CDC42BPA: variants seen among roughly 807,000 people sequenced by gnomAD.
The protein encoded by CDC42BPA is serine/threonine-protein kinase MRCK alpha.
A neutral mutation model predicts 223.5 loss-of-function variants in CDC42BPA; 80 were observed. That is an observed-to-expected ratio of 0.36 (90% CI 0.30 to 0.43). The LOEUF (loss-of-function observed/expected upper bound fraction) is 0.43, where lower values mean the gene tolerates loss of function less well. Ranked by LOEUF, CDC42BPA falls within the 20% of genes least tolerant of loss-of-function variation. CDC42BPA has a pLI of 1.00. For synonymous variants in CDC42BPA, 694 were observed against 718.6 expected (o/e 0.97, Z 0.55); for missense variants, 1,743 against 2,099.9 (o/e 0.83, Z 3.32).
chr1:227,139,169 T>C (rs1204824620), intron 10 of CDC42BPA, among the ~76,000 whole-genome samples: 1 of 152,170 alleles, frequency 6.6e-6, no homozygotes, highest in Non-Finnish European at 1.5e-5. Flanking sequence ...TTTATGTGTA[T>C]GTGCATTTTA....
intron 1 of CDC42BPA, among the ~76,000 whole-genome samples, chr1:227,257,541 G>A (rs1451378930): frequency 1.3e-5 from 2 of 150,808 alleles, no homozygotes; most frequent in African/African-American, 5.0e-5. Flanking sequence ...CCTGAGGTCA[G>A]GAGTTCAAGA....
chr1:227,146,683 T>C (rs1455280458), intron 7 of CDC42BPA, among the ~76,000 whole-genome samples: 3 of 152,168 alleles, frequency 2.0e-5, no homozygotes, highest in Non-Finnish European at 4.4e-5. Context: ...TTTGTTCTTG[T>C]TGTGTGTCTG....
intron 11 of CDC42BPA, among the ~76,000 whole-genome samples, chr1:227,127,405 G>T (rs958689535): frequency 6.6e-6 from 1 of 152,094 alleles, no homozygotes; most frequent in African/African-American, 2.4e-5. Flanking sequence ...CTATTTCAAG[G>T]CAGTTTTAAA....
intron 16 of CDC42BPA, among the ~76,000 whole-genome samples, chr1:227,085,124 A>G (rs1466740970): frequency 6.6e-6 from 1 of 152,052 alleles, no homozygotes; most frequent in Non-Finnish European, 1.5e-5. Flanking sequence ...TTGTCAGCCT[A>G]TATAATCACT....
At chr1:227,031,013 A>G (rs1669176255) in intron 28 of CDC42BPA, among the ~76,000 whole-genome samples, 1 of 152,132 alleles carries the variant, frequency 6.6e-6, no homozygotes, top group Admixed American at 6.5e-5. Flanking sequence ...TAAGAAACTA[A>G]CTTGTTCTAA....
intron 27 of CDC42BPA, 99 bp downstream of exon 27, chr1:227,033,235 T>C: frequency 1.4e-6 from 1 of 690,202 alleles, no homozygotes; most frequent in Non-Finnish European, 2.5e-6. Flanking sequence ...ATATAAGATT[T>C]GGTTTTACTT....
chr1:227,138,396 G>A (rs1212604671), intron 10 of CDC42BPA, among the ~76,000 whole-genome samples: 1 of 151,738 alleles, frequency 6.6e-6, no homozygotes, highest in Non-Finnish European at 1.5e-5. Flanking sequence ...TTCAATTAGA[G>A]ACTTGCTTCA....
intron 21 of CDC42BPA, among the ~76,000 whole-genome samples, chr1:227,058,274 T>C (rs1221290683): frequency 6.6e-6 from 1 of 152,206 alleles, no homozygotes; most frequent in Non-Finnish European, 1.5e-5. Context: ...ATATTATATA[T>C]GCTATATTAG....
At chr1:227,248,462 T>G (rs1271598076) in intron 2 of CDC42BPA, among the ~76,000 whole-genome samples, 1 of 152,008 alleles carries the variant, frequency 6.6e-6, no homozygotes, top group Non-Finnish European at 1.5e-5. Context: ...CATTTCTCTA[T>G]GCCAACAGTG....
At chr1:227,006,479 G>C (rs1424998004) in intron 34 of CDC42BPA, among the ~76,000 whole-genome samples, 1 of 152,180 alleles carries the variant, frequency 6.6e-6, no homozygotes, top group South Asian at 2.1e-4. Context: ...ATGAGGATAA[G>C]AACTGCCTCC....
In CDC42BPA at chr1:227,145,379, C is replaced by T. The variant is rs764176613; in HGVS notation, c.1143+110G>A. 4.5e-6 allele frequency: 4 copies of T among 895,160 alleles called. No homozygotes were observed. The South Asian group carries it at 7.5e-5, about 17-fold the overall frequency. 55.5% of individuals were successfully genotyped at this position (895,160 alleles called of 1,614,324 possible). ...AGAAGCCATGATCACTGACTAATAACTGATCATTGTAAAATCATCCTAGCA... is the reference window on the plus strand; with the variant it reads ...AGAAGCCATGATCACTGACTAATAATTGATCATTGTAAAATCATCCTAGCA... On this transcript the variant is annotated intron_variant, in intron 8 of 36. Transcript: ENST00000366766.
intron 6 of CDC42BPA, among the ~76,000 whole-genome samples, chr1:227,148,812 A>G (rs760702073): frequency 1.1e-4 from 16 of 151,028 alleles, no homozygotes; most frequent in Non-Finnish European, 2.2e-4. Context: ...TAGATAAAAT[A>G]TAACAATTAT....
chr1:227,192,621 C>T (rs762771843), intron 5 of CDC42BPA, among the ~76,000 whole-genome samples: 2 of 152,194 alleles, frequency 1.3e-5, no homozygotes, highest in African/African-American at 2.4e-5. Flanking sequence ...TCACCAACAA[C>T]GTTCTGCTGT....
At chr1:227,183,636 C>CA (rs1478371629) in intron 5 of CDC42BPA, among the ~76,000 whole-genome samples, 6 of 152,170 alleles carry the variant, frequency 3.9e-5, no homozygotes, top group Non-Finnish European at 7.4e-5. Context: ...TCTGCTATTA[C>CA]AAATAAAGCC....
intron 32 of CDC42BPA, among the ~76,000 whole-genome samples, chr1:227,018,428 T>A (rs1666730309): frequency 6.6e-6 from 1 of 152,232 alleles, no homozygotes; most frequent in African/African-American, 2.4e-5. Flanking sequence ...CCTTCCTTTG[T>A]CAAAGAAAAA....
At chr1:227,079,184 T>C (rs189730690) in intron 17 of CDC42BPA, among the ~76,000 whole-genome samples, 23 of 152,292 alleles carry the variant, frequency 1.5e-4, no homozygotes, top group Admixed American at 1.2e-3. Flanking sequence ...ACTCCATTTC[T>C]AAATAAAAAG....
chr1:227,189,624 G>A (rs899246402), intron 5 of CDC42BPA, among the ~76,000 whole-genome samples: 1 of 152,054 alleles, frequency 6.6e-6, no homozygotes, highest in Non-Finnish European at 1.5e-5. Flanking sequence ...AGTGCTTTTT[G>A]GCTACTCAAT....
intron 4 of CDC42BPA, among the ~76,000 whole-genome samples, chr1:227,194,569 T>C (rs781337025): frequency 1.1e-4 from 17 of 152,190 alleles, no homozygotes; most frequent in Non-Finnish European, 2.4e-4. Flanking sequence ...TATGGATCCT[T>C]ATGGGTATGT....
chr1:227,027,288 C>T (rs1280446672), intron 30 of CDC42BPA, among the ~76,000 whole-genome samples: 5 of 152,132 alleles, frequency 3.3e-5, no homozygotes, highest in African/African-American at 4.8e-5. Flanking sequence ...GTCCTGTTCA[C>T]GCAGACTTTC....
Sources: allele counts gnomAD v4.1 joint callset (sites outside exome capture counted in the v4.1 genomes callset), GRCh38; gene constraint gnomAD v4.1.1; transcripts MANE v1.5; gene names NCBI Gene and HGNC (gene_info 2026-07-23, HGNC 2026-07-21).